The following PPP1R9A variants were observed in gnomAD, a reference collection of about 807,000 sequenced individuals.
PPP1R9A encodes the protein neurabin-1.
A neutral mutation model predicts 141.9 loss-of-function variants in PPP1R9A; 59 were observed. That is an observed-to-expected ratio of 0.42 (90% CI 0.34 to 0.52). The LOEUF (loss-of-function observed/expected upper bound fraction) is 0.52, where lower values mean the gene tolerates loss of function less well. Among genes scored for constraint, PPP1R9A ranks in the 20% least tolerant of loss-of-function variants. The pLI is 0.10. For missense variants in PPP1R9A, 1,444 were observed against 1,611.9 expected (o/e 0.90, Z 1.78); for synonymous variants, 500 against 569.7 (o/e 0.88, Z 1.74).
chr7:95,037,212 T>C (rs1035745297), intron 2 of PPP1R9A: 1 of 152,158 alleles, frequency 6.6e-6, no homozygotes, highest in Admixed American at 6.6e-5. Context: ...ATTATTTTTC[T>C]CTGTTTTTGT....
chr7:95,089,237 T>G (rs1817012697), intron 2 of PPP1R9A, among the ~76,000 whole-genome samples: 1 of 152,076 alleles, frequency 6.6e-6, no homozygotes, highest in Non-Finnish European at 1.5e-5. Flanking sequence ...TTTACACATT[T>G]CTTTTCAAAT....
At chr7:95,173,045 A>C (rs1353061353) in intron 5 of PPP1R9A, among the ~76,000 whole-genome samples, 2 of 151,946 alleles carry the variant, frequency 1.3e-5, no homozygotes, top group Non-Finnish European at 2.9e-5. Context: ...CTTGACCTTC[A>C]TCTCACAGTA....
At position 95,295,670 on chromosome 7, in the gene PPP1R9A, T is replaced by G. The variant is rs907025301; in HGVS notation, c.*5367T>G. 4 of 152,242 alleles carry G rather than the reference T, an allele frequency of 2.6e-5. No homozygotes were observed. The highest frequency in any genetic ancestry group is 9.6e-5 in the African/African-American group (4 of 41,460). 9.4% of individuals were successfully genotyped at this position (152,242 alleles called of 1,614,324 possible). On this transcript the variant is annotated 3_prime_UTR_variant, in exon 20 of 20. Transcript: ENST00000433360. The stretch of plus-strand genomic sequence containing the variant: ...GTTGTTGGAAGGTGTACACTTCTGT[T>G]TCTTTCAGCTGTATTATTTATACAC...
Position 94,939,667 on chromosome 7 carries a change from A to G in PPP1R9A, c.1395+28159A>G, listed in dbSNP as rs143590530. Among the ~76,000 whole-genome samples the G allele has an allele frequency of 6.3e-4, 96 of 152,064 alleles. 3 individuals are homozygous for G. The East Asian group carries it at 0.018, about 29-fold the overall frequency. ...TGTAACAAATATTTTTTGAACATACACTATGTACTTAGCACTTAGTGACTT... is the reference window on the plus strand; with the variant it reads ...TGTAACAAATATTTTTTGAACATACGCTATGTACTTAGCACTTAGTGACTT... On this transcript the variant is annotated intron_variant, in intron 2 of 19. Transcript: ENST00000433360.
intron 2 of PPP1R9A, among the ~76,000 whole-genome samples, chr7:94,967,217 A>G (rs970503495): frequency 1.3e-5 from 2 of 150,852 alleles, no homozygotes; most frequent in South Asian, 4.2e-4. Context: ...TTTTTTCTTT[A>G]TTAGTCTGGC....
chr7:95,083,119 CAA>C (rs376037460), intron 2 of PPP1R9A, among the ~76,000 whole-genome samples: 75 of 151,910 alleles, frequency 4.9e-4, no homozygotes, highest in African/African-American at 1.7e-3. Context: ...GACATATTAA[CAA>C]GAGAAAAGCA....
chr7:95,123,840 G>T (rs1291341218), intron 4 of PPP1R9A, among the ~76,000 whole-genome samples: 2 of 152,088 alleles, frequency 1.3e-5, no homozygotes, highest in Non-Finnish European at 2.9e-5. Flanking sequence ...ACCTTCCATA[G>T]TGCTATTCAT....
At chr7:95,215,722 G>C (rs1793223954) in intron 7 of PPP1R9A, among the ~76,000 whole-genome samples, 2 of 152,210 alleles carry the variant, frequency 1.3e-5, no homozygotes, top group African/African-American at 4.8e-5. Context: ...CTGATGGCCA[G>C]TGATGATGAG....
intron 2 of PPP1R9A, among the ~76,000 whole-genome samples, chr7:95,085,372 T>G (rs1816463115): frequency 6.6e-6 from 1 of 151,618 alleles, no homozygotes. Context: ...AGCGCTAGGA[T>G]TATAGGCATG....
chr7:94,940,509 T>A (rs953684657), intron 2 of PPP1R9A, among the ~76,000 whole-genome samples: 58 of 152,062 alleles, frequency 3.8e-4, no homozygotes, highest in Non-Finnish European at 6.3e-4. Flanking sequence ...ATGCTAATCA[T>A]AGCTCATAAA....
chr7:95,002,159 T>A (rs1223224511), intron 2 of PPP1R9A, among the ~76,000 whole-genome samples: 1 of 152,098 alleles, frequency 6.6e-6, no homozygotes, highest in Non-Finnish European at 1.5e-5. Flanking sequence ...TAACCCCCAG[T>A]GATTAAGAGG....
intron 2 of PPP1R9A, among the ~76,000 whole-genome samples, chr7:95,075,776 G>A (rs888726950): frequency 1.3e-5 from 2 of 152,082 alleles, no homozygotes; most frequent in Admixed American, 1.3e-4. Flanking sequence ...GTCAGAGGTT[G>A]CAGTGAGCCG....
intron 2 of PPP1R9A, among the ~76,000 whole-genome samples, chr7:95,059,171 T>A (rs1226550342): frequency 6.6e-6 from 1 of 152,202 alleles, no homozygotes; most frequent in East Asian, 1.9e-4. Context: ...CCATGCTAAC[T>A]ATTTTTCACT....
At chr7:95,045,200 A>C (rs1809826380) in intron 2 of PPP1R9A, among the ~76,000 whole-genome samples, 1 of 152,206 alleles carries the variant, frequency 6.6e-6, no homozygotes, top group African/African-American at 2.4e-5. Context: ...ACCGAGGGGC[A>C]TGCAGTGGAA....
Position 95,108,348 on chromosome 7 carries a change from C to T in PPP1R9A, c.1396-2911C>T, listed in dbSNP as rs187688353. Among the ~76,000 whole-genome samples, 429 of 111,776 alleles carry T rather than the reference C, an allele frequency of 3.8e-3. 2 individuals carry two copies. Among genetic ancestry groups the T allele is most frequent in the African/African-American group, 0.014 (403 of 27,972 alleles). 73.3% of individuals were successfully genotyped at this position (111,776 alleles called of 152,430 possible). A position where few individuals can be genotyped will look rare whatever the true frequency, so the allele number is the denominator to read the frequency against. ...TTTTTTTTTTTGAGACAGTCTCGCTCTGTCACCCAGGCTGGAGTGCAGTGG... is the reference window on the plus strand; with the variant it reads ...TTTTTTTTTTTGAGACAGTCTCGCTTTGTCACCCAGGCTGGAGTGCAGTGG... On this transcript the variant is annotated intron_variant, in intron 2 of 19. Coordinates refer to ENST00000433360, the MANE Select transcript of PPP1R9A (RefSeq NM_001166160.2).
chr7:95,026,292 A>C (rs1806823901), intron 2 of PPP1R9A, among the ~76,000 whole-genome samples: 1 of 151,938 alleles, frequency 6.6e-6, no homozygotes, highest in South Asian at 2.1e-4. Context: ...TGTTGATGCT[A>C]TTTGTTTCTG....
intron 2 of PPP1R9A, among the ~76,000 whole-genome samples, chr7:95,070,593 G>GTGTATATATA (rs376992260): frequency 2.7e-5 from 3 of 111,940 alleles, no homozygotes; most frequent in Non-Finnish European, 5.7e-5. Flanking sequence ...TAAATCTCTG[G>GTGTATATATA]TATATATATA....
chr7:94,980,408 G>A (rs1006532869), intron 2 of PPP1R9A, among the ~76,000 whole-genome samples: 5 of 152,054 alleles, frequency 3.3e-5, no homozygotes, highest in African/African-American at 1.2e-4. Flanking sequence ...TCATGAAATA[G>A]TACTTACTTT....
chr7:95,227,142 G>T (rs1795249717), intron 8 of PPP1R9A, among the ~76,000 whole-genome samples: 1 of 152,102 alleles, frequency 6.6e-6, no homozygotes, highest in Non-Finnish European at 1.5e-5. Flanking sequence ...GCCCTTATTT[G>T]GCCAAAGAAT....
Sources: gnomAD v4.1 joint callset for allele counts (sites outside exome capture counted in the v4.1 genomes callset) on GRCh38, gnomAD v4.1.1 for gene constraint, MANE v1.5 for transcripts, NCBI Gene and HGNC (gene_info 2026-07-23, HGNC 2026-07-21) for gene names.